HDAC9: variants seen among roughly 807,000 people sequenced by gnomAD.
The protein encoded by HDAC9 is MEF-2 interacting transcription repressor (MITR) protein.
In HDAC9, 41 loss-of-function variants were observed where a neutral mutation model predicts 139.4. The observed-to-expected ratio is 0.29, with a 90% CI of 0.23 to 0.38. HDAC9 has a LOEUF of 0.38. Among genes scored for constraint, HDAC9 ranks in the 10% least tolerant of loss-of-function variants. HDAC9 has a pLI of 1.00. For missense variants in HDAC9, 1,147 were observed against 1,297.0 expected, an observed-to-expected ratio of 0.88 and a Z score of 1.78; for synonymous variants, 517 against 476.2, an observed-to-expected ratio of 1.09 and a Z score of -1.12.
At position 18,732,700 on chromosome 7, in the gene HDAC9, T is replaced by TGTGTGTGTGC. The variant is rs1562892158; in HGVS notation, c.1909+4945_1909+4946insGTGTGTGCGT. ...GTGCGTATGTGTACACACACACACG[T>TGTGTGTGTGC]GTATGTGTGCGTATGTGTACACACA... On this transcript the variant is annotated intron_variant, in intron 13 of 25. Transcript: ENST00000686413. Among the ~76,000 whole-genome samples, 17 of 131,472 alleles carry TGTGTGTGTGC rather than the reference T, an allele frequency of 1.3e-4. 2 individuals carry two copies. Among genetic ancestry groups the TGTGTGTGTGC allele is most frequent in the Non-Finnish European group, 2.6e-4 (16 of 62,078 alleles). The allele number at this position is 131,472 out of a possible 152,430, so 86.3% of individuals were successfully genotyped here.
chr7:18,679,237 C>G lies in HDAC9; in HGVS notation c.1731+12761C>G, dbSNP rs1781724407. On this transcript the variant is annotated intron_variant, in intron 12 of 25. Coordinates refer to ENST00000686413, the MANE Select transcript of HDAC9 (RefSeq NM_178425.4). ...GCTTTGAATTTCTTGGATTTTGGTA[C>G]TCTTTACATTCAAATATTAACTTTA... 2.6e-5 allele frequency among the ~76,000 whole-genome samples: 4 copies of G among 151,754 alleles called. No homozygotes were observed. The South Asian group carries it at 6.2e-4, about 24-fold the overall frequency.
At chr7:18,886,159 G>A (rs561675806) in intron 22 of HDAC9, among the ~76,000 whole-genome samples, 5 of 151,692 alleles carry the variant, frequency 3.3e-5, no homozygotes, top group East Asian at 1.9e-4. Context: ...CTCCATGTTC[G>A]CTCTTACTCT....
intron 1 of HDAC9, among the ~76,000 whole-genome samples, chr7:18,368,581 TATTA>T (rs1784364177): frequency 6.6e-6 from 1 of 152,074 alleles, no homozygotes; most frequent in Non-Finnish European, 1.5e-5. Context: ...CCAAGGTTTA[TATTA>T]ATTTTATGAA....
chr7:18,605,513 A>G (rs1343370513), intron 6 of HDAC9, among the ~76,000 whole-genome samples: 1 of 152,188 alleles, frequency 6.6e-6, no homozygotes, highest in Non-Finnish European at 1.5e-5. Flanking sequence ...TTAGACAAGT[A>G]TTACAAAATG....
chr7:18,901,397 T>C (rs1470861164), intron 22 of HDAC9, among the ~76,000 whole-genome samples: 1 of 152,112 alleles, frequency 6.6e-6, no homozygotes, highest in East Asian at 1.9e-4. Flanking sequence ...TTTGTCTGCA[T>C]TGCTGACATT....
At chr7:18,788,492 C>T (rs1473128467) in intron 16 of HDAC9, among the ~76,000 whole-genome samples, 1 of 152,140 alleles carries the variant, frequency 6.6e-6, no homozygotes, top group East Asian at 1.9e-4. Context: ...CGGTGGTTCA[C>T]ACCTGTCATC....
intron 13 of HDAC9, among the ~76,000 whole-genome samples, chr7:18,743,202 G>C (rs1787615219): frequency 6.6e-6 from 1 of 151,888 alleles, no homozygotes; most frequent in Admixed American, 6.6e-5. Flanking sequence ...TCTCCTTCCT[G>C]GCTTTACAGT....
intron 2 of HDAC9, among the ~76,000 whole-genome samples, chr7:18,173,152 A>G (rs1788584596): frequency 1.3e-5 from 2 of 152,166 alleles, no homozygotes; most frequent in African/African-American, 2.4e-5. Context: ...GGGTGCATTT[A>G]TATTTAGTAT....
chr7:18,194,449 A>G (rs1790591549), intron 2 of HDAC9, among the ~76,000 whole-genome samples: 3 of 152,122 alleles, frequency 2.0e-5, no homozygotes, highest in Admixed American at 2.0e-4. Context: ...CATTAAGTAC[A>G]TTCACACCAT....
intron 1 of HDAC9, among the ~76,000 whole-genome samples, chr7:18,342,074 G>A (rs1782056583): frequency 6.6e-6 from 1 of 151,652 alleles, no homozygotes; most frequent in Non-Finnish European, 1.5e-5. Context: ...TAATTCTTTA[G>A]GCTTATTCTT....
At chr7:18,969,125 C>G (rs1784089328) in intron 24 of HDAC9, among the ~76,000 whole-genome samples, 1 of 151,894 alleles carries the variant, frequency 6.6e-6, no homozygotes, top group South Asian at 2.1e-4. Context: ...CTTAATGTTT[C>G]ATTTGAATAA....
At chr7:18,829,094 T>C (rs930529229) in intron 17 of HDAC9, 67 bp from the exon 18 acceptor site, 2 of 1,104,192 alleles carry the variant, frequency 1.8e-6, no homozygotes, top group Non-Finnish European at 1.4e-6. Flanking sequence ...TGCCTGGAGA[T>C]CCAAGCAATC....
At chr7:18,567,892 A>T (rs1822916495) in intron 2 of HDAC9, among the ~76,000 whole-genome samples, 1 of 151,888 alleles carries the variant, frequency 6.6e-6, no homozygotes, top group Admixed American at 6.6e-5. Context: ...CCACACATTA[A>T]CAAACATTTA....
chr7:18,885,060 C>G (rs573587742), intron 22 of HDAC9, among the ~76,000 whole-genome samples: 2 of 152,314 alleles, frequency 1.3e-5, no homozygotes, highest in Admixed American at 6.5e-5. Flanking sequence ...TGTTTTCAAG[C>G]AATACGTTGG....
chr7:18,692,853 AT>A, intron 12 of HDAC9, among the ~76,000 whole-genome samples: 1 of 152,090 alleles, frequency 6.6e-6, no homozygotes, highest in South Asian at 2.1e-4. Flanking sequence ...TTGTCCTGTT[AT>A]TTTTTTGTGG....
intron 12 of HDAC9, chr7:18,667,887 G>T: frequency 1.0e-6 from 1 of 983,096 alleles, no homozygotes; most frequent in Non-Finnish European, 1.2e-6. Flanking sequence ...TGTTAAGCTA[G>T]TTAAAGGTTC....
intron 2 of HDAC9, among the ~76,000 whole-genome samples, chr7:18,547,528 C>T (rs1469471157): frequency 6.6e-6 from 1 of 152,214 alleles, no homozygotes; most frequent in African/African-American, 2.4e-5. Context: ...AGCCACCATG[C>T]CCGGCCGACT....
chr7:18,654,148 A>C (rs754554376), intron 11 of HDAC9, among the ~76,000 whole-genome samples: 4 of 152,200 alleles, frequency 2.6e-5, no homozygotes, highest in Non-Finnish European at 4.4e-5. Flanking sequence ...ACATTTTTTT[A>C]AAGTTATACT....
intron 11 of HDAC9, among the ~76,000 whole-genome samples, chr7:18,655,605 T>G (rs924258120): frequency 2.0e-5 from 3 of 152,180 alleles, no homozygotes; most frequent in Non-Finnish European, 4.4e-5. Context: ...GTTGCTTTAT[T>G]ATTAGATGTG....
Sources: allele counts gnomAD v4.1 joint callset (sites outside exome capture counted in the v4.1 genomes callset), GRCh38; gene constraint gnomAD v4.1.1; transcripts MANE v1.5; gene names NCBI Gene and HGNC (gene_info 2026-07-23, HGNC 2026-07-21).